DCTN1: variants seen among roughly 807,000 people sequenced by gnomAD.
DCTN1 encodes the protein dynactin subunit 1.
Under a neutral mutation model 161.2 loss-of-function variants are expected in DCTN1, and 61 were observed. The observed-to-expected ratio is 0.38, with a 90% CI of 0.31 to 0.47. The LOEUF (loss-of-function observed/expected upper bound fraction) is 0.47, where lower values mean the gene tolerates loss of function less well. Among genes scored for constraint, DCTN1 ranks in the 20% least tolerant of loss-of-function variants. DCTN1 has a pLI of 0.99. For synonymous variants in DCTN1, 653 were observed against 632.4 expected (o/e 1.03, Z -0.49); for missense variants, 1,404 against 1,623.7 (o/e 0.86, Z 2.33).
intron 18 of DCTN1, 73 bp downstream of exon 18, chr2:74,367,623 T>C: frequency 6.2e-7 from 1 of 1,604,528 alleles, no homozygotes. Context: ...CAACCTTGAA[T>C]ATATTAGTAA....
At chr2:74,391,510 C>T in intron 1 of DCTN1, 1 of 313,336 alleles carries the variant, frequency 3.2e-6, no homozygotes, top group South Asian at 2.5e-5. Context: ...TTCAGGGGCG[C>T]CTCAGACGCT....
chr2:74,370,575 G>A lies in DCTN1; in HGVS notation c.1049-31C>T. ...GAAGATCATTAACACTTTCAGGCAT[G>A]GTTCTCACCTGACCGTTTGGCCCCC... On this transcript the variant is annotated intron_variant, in intron 10 of 31. Transcript: ENST00000628224. The surrounding 1 kb of genome is among the most constrained non-coding windows in gnomAD (Gnocchi z 4.4). 1.2e-6 allele frequency: 2 copies of A among 1,614,036 alleles called. No individual in the cohort carries two copies. Among genetic ancestry groups the A allele is most frequent in the East Asian group, 2.2e-5 (1 of 44,874 alleles).
intron 24 of DCTN1, 52 bp from the exon 25 acceptor site, chr2:74,365,709 G>A: frequency 6.2e-7 from 1 of 1,613,692 alleles, no homozygotes; most frequent in South Asian, 1.1e-5. Flanking sequence ...ACAGTCCCTG[G>A]AAACTGGGGG....
chr2:74,385,308 T>C (rs956237309), upstream of DCTN1: 1 of 152,242 alleles, frequency 6.6e-6, no homozygotes, highest in Non-Finnish European at 1.5e-5. Context: ...TAGGAACTTC[T>C]GCAAGAAGGC....
At chr2:74,387,491 C>G (rs1675785490) in intron 1 of DCTN1, among the ~76,000 whole-genome samples, 1 of 152,178 alleles carries the variant, frequency 6.6e-6, no homozygotes, top group Admixed American at 6.5e-5. Context: ...GTATCTCCCC[C>G]ACCAAAAACA....
At chr2:74,374,023 C>A (rs1675061515) in intron 6 of DCTN1, among the ~76,000 whole-genome samples, 1 of 152,332 alleles carries the variant, frequency 6.6e-6, no homozygotes, top group East Asian at 1.9e-4. Flanking sequence ...TAGGTTCTAC[C>A]ACAGGAAACC....
rs1480595016 is a variant in DCTN1, at chr2:74,369,269, G to C, written c.1584+31C>G. On this transcript the variant is annotated intron_variant, in intron 14 of 31. Coordinates refer to ENST00000628224, the MANE Select transcript of DCTN1 (RefSeq NM_004082.5). The surrounding 1 kb of genome is among the most constrained non-coding windows in gnomAD (Gnocchi z 4.9). ...GGTCATAAGGAAGCCCTGGGGTGAT[G>C]GTGGGCAGAGAGCAAACAGTGGGCA... 9 of 1,614,164 alleles carry C rather than the reference G, an allele frequency of 5.6e-6. No homozygotes were observed. Among genetic ancestry groups the C allele is most frequent in the Non-Finnish European group, 7.6e-6 (9 of 1,179,992 alleles).
rs1675455129 is a variant in DCTN1, at chr2:74,380,282, T to C, written c.-245A>G. 3.3e-6 allele frequency: 2 copies of C among 611,750 alleles called. No individual in the cohort carries two copies. The highest frequency in any genetic ancestry group is 2.4e-5 in the Admixed American group (1 of 41,252). 37.9% of individuals were successfully genotyped at this position (611,750 alleles called of 1,614,324 possible). Reference sequence around the variant, plus strand: ...GATTCCTGAACCCAGAGACACAGAATCCTGCTTGCCAGCTGATGAGTCTCA... The same window carrying C: ...GATTCCTGAACCCAGAGACACAGAACCCTGCTTGCCAGCTGATGAGTCTCA... On this transcript the variant is annotated 5_prime_UTR_variant, in exon 1 of 32. Transcript: ENST00000628224.
rs1275593815 is a variant in DCTN1 at position 74,377,451 on chromosome 2, G to A, written c.374C>T (p.Thr125Ile). The change falls in exon 4 of 32, where the codon ACT becomes ATT. Residue 125 changes from threonine to isoleucine, a missense_variant. Coordinates refer to ENST00000628224, the MANE Select transcript of DCTN1 (RefSeq NM_004082.5). ...KVLKREGTDT[T>I]AKTSKLRGLK... ...ACTCACCAGTTTGCTAGTCTTTGCA[G>A]TTGTATCAGTTCCCTCTGTAGAAAG... 3.7e-6 allele frequency: 6 copies of A among 1,613,564 alleles called. No individual in the cohort carries two copies. The South Asian group carries it at 6.6e-5, about 18-fold the overall frequency.
chr2:74,371,849 G>C (rs1373642531), intron 7 of DCTN1, 121 bp from the exon 8 acceptor site: 18 of 805,766 alleles, frequency 2.2e-5, no homozygotes, highest in Non-Finnish European at 3.7e-5. Flanking sequence ...AAAGCAGAAA[G>C]AGAGTATCAA....
intron 3 of DCTN1, 57 bp downstream of exon 3, chr2:74,377,591 A>T (rs1269078358): frequency 6.6e-7 from 1 of 1,521,906 alleles, no homozygotes; most frequent in Non-Finnish European, 9.1e-7. Context: ...TTATGAGGAG[A>T]AGTCCTGGGG....
At chr2:74,374,420 G>A in intron 5 of DCTN1, 80 bp from the exon 6 acceptor site, 6 of 1,603,934 alleles carry the variant, frequency 3.7e-6, no homozygotes, top group Non-Finnish European at 5.1e-6. Flanking sequence ...AACACACGGA[G>A]GAAGGACAGA....
At chr2:74,368,261 T>A (rs2103635379) in intron 16 of DCTN1, 130 bp from the exon 17 acceptor site, 1 of 1,265,614 alleles carries the variant, frequency 7.9e-7, no homozygotes, top group East Asian at 2.5e-5. Context: ...CAGAAATAGC[T>A]CTTACCTGGG....
rs775374514 is a variant in DCTN1 at position 74,370,566 on chromosome 2, T to G, written c.1049-22A>C. The G allele has an allele frequency of 1.5e-5, 25 of 1,613,992 alleles. No homozygotes were observed. The highest frequency in any genetic ancestry group is 2.1e-5 in the Non-Finnish European group (25 of 1,180,036). On this transcript the variant is annotated intron_variant, in intron 10 of 31. Transcript: ENST00000628224. This position sits in a 1 kb window ranked among gnomAD's most constrained non-coding sequence, Gnocchi z 4.4. ...GAGCCTGGAGAAGATCATTAACACT[T>G]TCAGGCATGGTTCTCACCTGACCGT...
intron 6 of DCTN1, chr2:74,374,051 C>A: frequency 6.0e-6 from 3 of 504,032 alleles, no homozygotes; most frequent in Non-Finnish European, 1.1e-5. Flanking sequence ...ATCCGGTATG[C>A]GGTAGAGGCT....
At chr2:74,372,993 AG>A (rs1176645442) in intron 6 of DCTN1, 45 bp from the exon 7 acceptor site, 2 of 1,595,578 alleles carry the variant, frequency 1.3e-6, no homozygotes, top group East Asian at 4.5e-5. Flanking sequence ...CAGGAAAGAA[AG>A]GACAATGGCA....
intron 1 of DCTN1, chr2:74,390,758 C>A (rs1675957456): frequency 3.2e-6 from 1 of 313,958 alleles, no homozygotes; most frequent in Non-Finnish European, 6.9e-6. Flanking sequence ...CAATCAGAAT[C>A]TGTACTGTAA....
intron 30 of DCTN1, 104 bp downstream of exon 30, chr2:74,362,546 C>A: frequency 8.2e-7 from 1 of 1,225,668 alleles, no homozygotes; most frequent in African/African-American, 1.5e-5. Context: ...CATCTCCTCC[C>A]CAATTGCTGT....
At chr2:74,380,466 C>T (rs1483842192), upstream of DCTN1, 2 of 477,944 alleles carry the variant, frequency 4.2e-6, no homozygotes, top group Non-Finnish European at 8.6e-6. Flanking sequence ...TGGAAGCAGT[C>T]TTGACACGTC....
Sources: allele counts gnomAD v4.1 joint callset (sites outside exome capture counted in the v4.1 genomes callset), GRCh38; gene constraint gnomAD v4.1.1; non-coding constraint Gnocchi (gnomAD v3.1); transcripts MANE v1.5; gene names NCBI Gene and HGNC (gene_info 2026-07-23, HGNC 2026-07-21).